MAP7D2: variants seen among roughly 807,000 people sequenced by gnomAD.
MAP7D2 encodes MAP7 domain containing 2.
MAP7D2 carries 33 observed loss-of-function variants against 63.5 expected under a neutral mutation model. The ratio of observed to expected loss-of-function variants is 0.52; its 90% CI spans 0.39 to 0.70. The LOEUF is 0.70. Ranked by LOEUF, MAP7D2 falls within the 30% of genes least tolerant of loss-of-function variation. The pLI is 0.00. For missense variants in MAP7D2, 626 were observed against 604.0 expected, an observed-to-expected ratio of 1.04 and a Z score of -0.38; for synonymous variants, 224 against 223.7, an observed-to-expected ratio of 1.00 and a Z score of -0.01.
At chrX:20,048,448 C>T (rs746196788) in intron 6 of MAP7D2, among the ~76,000 whole-genome samples, 1 of 110,988 alleles carries the variant, frequency 9.0e-6, no homozygotes, top group Non-Finnish European at 1.9e-5. Flanking sequence ...TCCCATGTGT[C>T]TTTCTCCTTT....
chrX:20,086,969 T>C (rs1468206106), intron 1 of MAP7D2, among the ~76,000 whole-genome samples: 2 of 111,406 alleles, frequency 1.8e-5, no homozygotes, highest in Non-Finnish European at 3.8e-5. Flanking sequence ...AGTACTATTA[T>C]TGTACCCATT....
In MAP7D2 at chrX:20,044,440, T is replaced by C; in HGVS notation, c.803A>G (p.Lys268Arg). The change falls in exon 7 of 17, where the codon AAG becomes AGG. Residue 268 changes from lysine (K) to arginine (R), a missense_variant. Lys to Arg is a conservative substitution (Grantham distance 26, BLOSUM62 2). Coordinates refer to ENST00000379643, the MANE Select transcript of MAP7D2 (RefSeq NM_001168465.2). ...KSSPTRNIEKKKATSTSTSGA... is the reference protein window; with the variant it reads ...KSSPTRNIEKRKATSTSTSGA... ...AGATGTAGACGTAGATGTAGCTTTC[T>C]TCTTCTCAATGTTTCGAGTGGGTGA... 3 of 1,211,246 alleles carry C rather than the reference T, an allele frequency of 2.5e-6. No individual in the cohort carries two copies. The highest frequency in any genetic ancestry group is 2.3e-4 in the Middle Eastern group (1 of 4,352).
intron 8 of MAP7D2, among the ~76,000 whole-genome samples, chrX:20,026,883 T>C: frequency 8.9e-6 from 1 of 112,007 alleles, no homozygotes; most frequent in South Asian, 3.8e-4. Flanking sequence ...GGATATAAAG[T>C]AATGTATACA....
intron 1 of MAP7D2, among the ~76,000 whole-genome samples, chrX:20,088,448 C>T (rs1212659020): frequency 3.0e-5 from 3 of 101,489 alleles, no homozygotes; most frequent in Non-Finnish European, 4.0e-5. Context: ...GTGTACCCCA[C>T]CACACCCAGC....
intron 8 of MAP7D2, among the ~76,000 whole-genome samples, chrX:20,034,667 T>C (rs1167225632): frequency 9.0e-6 from 1 of 111,387 alleles, no homozygotes; most frequent in Non-Finnish European, 1.9e-5. Flanking sequence ...GAGAAGATGG[T>C]TGTTCATGAA....
intron 1 of MAP7D2, among the ~76,000 whole-genome samples, chrX:20,073,935 G>A (rs1201802674): frequency 1.9e-5 from 2 of 106,052 alleles, no homozygotes; most frequent in East Asian, 3.0e-4. Context: ...TCTGGAGTTC[G>A]AGACCAACCT....
chrX:20,096,081 CAAA>C (rs1208579984), intron 1 of MAP7D2, among the ~76,000 whole-genome samples: 1 of 14,902 alleles, frequency 6.7e-5, no homozygotes, highest in Non-Finnish European at 1.2e-4. Flanking sequence ...GACTCTTCCT[CAAA>C]AAAAAAAAAA....
chrX:20,070,275 T>C (rs1021296596), intron 1 of MAP7D2, among the ~76,000 whole-genome samples: 8 of 102,555 alleles, frequency 7.8e-5, no homozygotes, highest in East Asian at 5.9e-4. Flanking sequence ...TTTATTTATT[T>C]ATTTATTTAT....
intron 8 of MAP7D2, among the ~76,000 whole-genome samples, chrX:20,033,953 G>C (rs1052689494): frequency 2.7e-5 from 3 of 111,184 alleles, no homozygotes; most frequent in African/African-American, 9.8e-5. Context: ...GGCCGGGCGC[G>C]GTGGCTCACA....
chrX:20,087,189 G>C (rs1390634346), intron 1 of MAP7D2, among the ~76,000 whole-genome samples: 2 of 112,135 alleles, frequency 1.8e-5, no homozygotes, highest in African/African-American at 6.5e-5. Context: ...ACAGAAACCT[G>C]TAACACATAT....
chrX:20,098,737 C>T (rs1269234885), intron 1 of MAP7D2, among the ~76,000 whole-genome samples: 5 of 112,371 alleles, frequency 4.4e-5, no homozygotes, highest in East Asian at 2.8e-4. Flanking sequence ...TATTCTTTCT[C>T]GAGATCACCT....
chrX:20,050,391 T>G (rs1163309496), intron 6 of MAP7D2, among the ~76,000 whole-genome samples: 1 of 112,261 alleles, frequency 8.9e-6, no homozygotes, highest in Non-Finnish European at 1.9e-5. Flanking sequence ...CTCTCTCATT[T>G]AATCTTCAAA....
intron 1 of MAP7D2, among the ~76,000 whole-genome samples, chrX:20,106,138 A>G (rs2066560018): frequency 8.9e-6 from 1 of 112,290 alleles, no homozygotes; most frequent in African/African-American, 3.2e-5. Context: ...TGCCATCACA[A>G]TGGCAATTTT....
chrX:20,100,970 G>A (rs759873399), intron 1 of MAP7D2, among the ~76,000 whole-genome samples: 41 of 105,891 alleles, frequency 3.9e-4, no homozygotes, highest in African/African-American at 4.9e-4. Flanking sequence ...GCGGTGAGCC[G>A]AGATCGCACC....
chrX:20,077,358 C>T (rs2065671867), intron 1 of MAP7D2, among the ~76,000 whole-genome samples: 1 of 111,516 alleles, frequency 9.0e-6, no homozygotes, highest in South Asian at 3.7e-4. Context: ...GAGGCTGAGG[C>T]ACGAGAATTG....
intron 1 of MAP7D2, among the ~76,000 whole-genome samples, chrX:20,080,744 A>G (rs896430515): frequency 7.2e-5 from 8 of 111,449 alleles, no homozygotes; most frequent in Non-Finnish European, 1.5e-4. Context: ...GATCGCGCCC[A>G]CTCACTGGAT....
At chrX:20,016,064 G>C (rs1269611619) in intron 11 of MAP7D2, 30 bp downstream of exon 11, 1 of 1,151,669 alleles carries the variant, frequency 8.7e-7, no homozygotes, top group Non-Finnish European at 1.2e-6. Context: ...TAAAAAACAA[G>C]TAAAGTCCAT....
At chrX:20,036,303 C>T (rs1264795107) in intron 8 of MAP7D2, among the ~76,000 whole-genome samples, 5 of 110,053 alleles carry the variant, frequency 4.5e-5, no homozygotes, top group Admixed American at 9.6e-5. Flanking sequence ...CTGGAAGTGG[C>T]GCGATCTCAG....
At position 20,063,399 on chromosome X, in the gene MAP7D2, G is replaced by A. The variant is rs377544322; in HGVS notation, c.372+15C>T. ...AGGGGGCTGGAAGGTGGCGGAGGGT[G>A]CACCTGGGCCTTACCTCCTCCTCCC... On this transcript the variant is annotated intron_variant, in intron 3 of 16. Coordinates refer to ENST00000379643, the MANE Select transcript of MAP7D2 (RefSeq NM_001168465.2). The A allele has an allele frequency of 3.2e-5, 38 of 1,204,514 alleles. 1 individual carries two copies. Among genetic ancestry groups the A allele is most frequent in the Admixed American group, 4.4e-5 (2 of 45,467 alleles).
Sources: allele counts gnomAD v4.1 joint callset (sites outside exome capture counted in the v4.1 genomes callset), GRCh38; gene constraint gnomAD v4.1.1; transcripts MANE v1.5; gene names NCBI Gene and HGNC (gene_info 2026-07-23, HGNC 2026-07-21).